Variants in RBMS1 observed in about 807,000 individuals in gnomAD.
RBMS1 encodes the protein RNA-binding motif, single-stranded-interacting protein 1.
In RBMS1, 17 loss-of-function variants were observed where a neutral mutation model predicts 62.3. That is an observed-to-expected ratio of 0.27 (90% CI 0.19 to 0.41). The LOEUF (loss-of-function observed/expected upper bound fraction) is 0.41, where lower values mean the gene tolerates loss of function less well. Ranked by LOEUF, RBMS1 falls within the 10% of genes least tolerant of loss-of-function variation. RBMS1 has a pLI of 1.00. For synonymous variants in RBMS1, 172 were observed against 170.0 expected, an observed-to-expected ratio of 1.01 and a Z score of -0.09; for missense variants, 334 against 504.5, an observed-to-expected ratio of 0.66 and a Z score of 3.24.
intron 3 of RBMS1, among the ~76,000 whole-genome samples, chr2:160,317,363 A>T (rs921017320): frequency 2.0e-5 from 3 of 152,104 alleles, no homozygotes; most frequent in African/African-American, 4.8e-5. Flanking sequence ...ATTCCTGTCA[A>T]CTTATTTCAA....
At chr2:160,463,915 C>T (rs988997760) in intron 1 of RBMS1, among the ~76,000 whole-genome samples, 12 of 152,096 alleles carry the variant, frequency 7.9e-5, no homozygotes, top group Non-Finnish European at 1.8e-4. Flanking sequence ...CTGTCTTTCT[C>T]TATGGTTATG....
intron 1 of RBMS1, among the ~76,000 whole-genome samples, chr2:160,438,308 G>A (rs1430618390): frequency 1.3e-5 from 2 of 150,734 alleles, no homozygotes; most frequent in Admixed American, 1.3e-4. Context: ...TTCTCGCAGA[G>A]GGGGATTTGG....
chr2:160,279,198 C>T lies in RBMS1; in HGVS notation c.952-540G>A, dbSNP rs540398511. 2.0e-5 allele frequency: 3 copies of T among 152,324 alleles called. No homozygotes were observed. The East Asian group carries it at 5.8e-4, about 29-fold the overall frequency. The allele number at this position is 152,324 out of a possible 1,614,324, so 9.4% of individuals were successfully genotyped here. ...GGTTGTTAGGATCAAGAGCACATTT[C>T]TTCATTCACTCAGTGTTTCTCAGAA... On this transcript the variant is annotated intron_variant, in intron 10 of 13. Transcript: ENST00000348849.
chr2:160,277,909 G>A (rs961473439), intron 11 of RBMS1: 1 of 157,760 alleles, frequency 6.3e-6, no homozygotes, highest in Non-Finnish European at 1.4e-5. Flanking sequence ...AGTCTCATTG[G>A]ATATGTGTGG....
In RBMS1 at chr2:160,493,663, C is replaced by T; in HGVS notation, c.-300G>A. On this transcript the variant is annotated 5_prime_UTR_variant, in exon 1 of 14. Coordinates refer to ENST00000348849, the MANE Select transcript of RBMS1 (RefSeq NM_016836.4). ...CAGGGCGCTCCCAAGGAGTTTCCTCCCGGAGCCCGACTGCTCCGGGGCTGC... is the reference window on the plus strand; with the variant it reads ...CAGGGCGCTCCCAAGGAGTTTCCTCTCGGAGCCCGACTGCTCCGGGGCTGC... 2.1e-6 allele frequency: 1 copy of T among 469,960 alleles called. No homozygotes were observed. The highest frequency in any genetic ancestry group is 4.1e-5 in the East Asian group (1 of 24,488). 29.1% of individuals were successfully genotyped at this position (469,960 alleles called of 1,614,324 possible). A position where few individuals can be genotyped will look rare whatever the true frequency, so the allele number is the denominator to read the frequency against.
intron 1 of RBMS1, among the ~76,000 whole-genome samples, chr2:160,471,718 A>ATATATATATATATATAAAG (rs1357101386): frequency 6.9e-4 from 10 of 14,516 alleles, no homozygotes; most frequent in Non-Finnish European, 1.0e-3. Flanking sequence ...TATATATATA[A>ATATATATATATATATAAAG]CCTTTCATAC....
intron 2 of RBMS1, among the ~76,000 whole-genome samples, chr2:160,348,092 C>A (rs1028659361): frequency 4.6e-5 from 7 of 151,904 alleles, no homozygotes; most frequent in African/African-American, 1.5e-4. Flanking sequence ...TAATTGTGAT[C>A]CAATTAAAGG....
chr2:160,324,905 T>TACACACAC (rs1479224727), intron 2 of RBMS1, among the ~76,000 whole-genome samples: 288 of 118,450 alleles, frequency 2.4e-3, no homozygotes, highest in Middle Eastern at 4.4e-3. Context: ...TATATATATA[T>TACACACAC]ATACACACAC....
intron 4 of RBMS1, among the ~76,000 whole-genome samples, chr2:160,311,216 C>CTCTCTCTCTCTCTCTCTT (rs1689843213): frequency 3.2e-5 from 1 of 31,564 alleles, no homozygotes; most frequent in East Asian, 1.3e-3. Flanking sequence ...AAAAATCTAT[C>CTCTCTCTCTCTCTCTCTT]TATCTATCTA....
intron 1 of RBMS1, among the ~76,000 whole-genome samples, chr2:160,383,994 G>A (rs1009719817): frequency 6.6e-6 from 1 of 152,118 alleles, no homozygotes; most frequent in African/African-American, 2.4e-5. Context: ...TCAGGAGATC[G>A]AGACCATCCT....
At chr2:160,435,082 A>G (rs949827114) in intron 1 of RBMS1, among the ~76,000 whole-genome samples, 4 of 152,188 alleles carry the variant, frequency 2.6e-5, no homozygotes, top group African/African-American at 9.7e-5. Context: ...TTTCTACAGA[A>G]TAAGTAGAAC....
At chr2:160,352,348 A>G (rs1473625768) in intron 2 of RBMS1, among the ~76,000 whole-genome samples, 1 of 152,128 alleles carries the variant, frequency 6.6e-6, no homozygotes, top group African/African-American at 2.4e-5. Context: ...ATATTGCTGC[A>G]TCCAGGGATA....
intron 3 of RBMS1, among the ~76,000 whole-genome samples, chr2:160,316,332 G>A (rs1198665162): frequency 2.0e-5 from 3 of 152,142 alleles, no homozygotes; most frequent in Non-Finnish European, 4.4e-5. Context: ...AGGCTTGTGT[G>A]AAGCAGAGAG....
At chr2:160,390,768 G>C (rs1420993959) in intron 1 of RBMS1, among the ~76,000 whole-genome samples, 2 of 151,504 alleles carry the variant, frequency 1.3e-5, no homozygotes, top group African/African-American at 2.4e-5. Context: ...CAGAGGATGG[G>C]AAGAAAGGGG....
At position 160,404,878 on chromosome 2, in the gene RBMS1, T is replaced by C. The variant is rs140570350; in HGVS notation, c.76-37487A>G. Among the ~76,000 whole-genome samples the C allele has an allele frequency of 3.7e-3, 571 of 152,324 alleles. 15 individuals are homozygous for C. The highest frequency in any genetic ancestry group is 0.032 in the Admixed American group (484 of 15,306). On this transcript the variant is annotated intron_variant, in intron 1 of 13. Coordinates refer to ENST00000348849, the MANE Select transcript of RBMS1 (RefSeq NM_016836.4). ...AGATTAGAAGGGTGATGGGCTATGA[T>C]GCAGATAAGTTCTCTATGGGTTGCT...
At chr2:160,286,320 A>AT (rs1688391121) in intron 7 of RBMS1, among the ~76,000 whole-genome samples, 20 of 125,508 alleles carry the variant, frequency 1.6e-4, no homozygotes, top group African/African-American at 4.9e-4. Context: ...TTTTTTTTTT[A>AT]TTTTGTTTTT....
intron 2 of RBMS1, among the ~76,000 whole-genome samples, chr2:160,342,117 T>C (rs943408270): frequency 6.6e-6 from 1 of 152,132 alleles, no homozygotes; most frequent in Non-Finnish European, 1.5e-5. Context: ...TGGCATAATA[T>C]CATTAAACTG....
chr2:160,298,823 C>T (rs1019157353), intron 6 of RBMS1, among the ~76,000 whole-genome samples: 20 of 152,272 alleles, frequency 1.3e-4, no homozygotes, highest in African/African-American at 4.3e-4. Context: ...GGTAGGCCTT[C>T]ATCCAATATG....
chr2:160,448,705 C>T (rs1683787218), intron 1 of RBMS1, among the ~76,000 whole-genome samples: 1 of 152,222 alleles, frequency 6.6e-6, no homozygotes. Context: ...CAGCCTCTGC[C>T]CGGCCGCCAA....
Sources: allele counts gnomAD v4.1 joint callset (sites outside exome capture counted in the v4.1 genomes callset), GRCh38; gene constraint gnomAD v4.1.1; transcripts MANE v1.5; gene names NCBI Gene and HGNC (gene_info 2026-07-23, HGNC 2026-07-21).